The following UNC80 variants were observed in gnomAD, a reference collection of about 807,000 sequenced individuals.
UNC80 encodes protein unc-80 homolog.
Under a neutral mutation model 384.6 loss-of-function variants are expected in UNC80, and 164 were observed. The observed-to-expected ratio is 0.43, with a 90% CI of 0.38 to 0.49. UNC80 has a LOEUF of 0.49. Among genes scored for constraint, UNC80 ranks in the 20% least tolerant of loss-of-function variants. UNC80 has a pLI of 0.00. For missense variants in UNC80, 3,330 were observed against 4,143.0 expected (o/e 0.80, Z 5.39); for synonymous variants, 1,486 against 1,527.8 (o/e 0.97, Z 0.64).
intron 3 of UNC80, 59 bp from the exon 4 acceptor site, chr2:209,777,199 C>T: frequency 6.7e-7 from 1 of 1,491,660 alleles, no homozygotes; most frequent in Non-Finnish European, 9.0e-7. Context: ...CCATTGTTGA[C>T]ATCTATTGCC....
At chr2:209,858,976 A>C (rs1559212717) in intron 22 of UNC80, among the ~76,000 whole-genome samples, 1 of 152,160 alleles carries the variant, frequency 6.6e-6, no homozygotes, top group East Asian at 1.9e-4. Flanking sequence ...ATTTTCCTTT[A>C]CTGGTTTGTA....
chr2:209,872,739 C>T lies in UNC80; in HGVS notation c.3628-19C>T. 6.5e-7 allele frequency: 1 copy of T among 1,548,270 alleles called. No individual in the cohort carries two copies. Among genetic ancestry groups the T allele is most frequent in the Non-Finnish European group, 8.7e-7 (1 of 1,144,024 alleles). On this transcript the variant is annotated intron_variant, in intron 22 of 64. Coordinates refer to ENST00000673920, the MANE Select transcript of UNC80 (RefSeq NM_001371986.1). This position sits in a 1 kb window ranked among gnomAD's most constrained non-coding sequence, Gnocchi z 4.1. ...GTTCATTAATCCCACATTATTCTTTCCTAAACAACCCTACACAGGAAGCCC... is the reference window on the plus strand; with the variant it reads ...GTTCATTAATCCCACATTATTCTTTTCTAAACAACCCTACACAGGAAGCCC...
chr2:209,831,445 A>C lies in UNC80; in HGVS notation c.2629A>C (p.Lys877Gln), dbSNP rs1191119401. The C allele has an allele frequency of 1.3e-6, 2 of 1,547,568 alleles. No individual in the cohort carries two copies. Among genetic ancestry groups the C allele is most frequent in the South Asian group, 2.4e-5 (2 of 83,296 alleles). The change falls in exon 16 of 65, where the codon AAG becomes CAG. Residue 877 changes from lysine (K) to glutamine (Q), a missense_variant and splice_region_variant. Around this residue, in one of 8 missense-constraint regions of UNC80, gnomAD observed 937 missense variants for 1,026.8 expected, o/e 0.91. Transcript: ENST00000673920. ...GFCMEPVTDNKAGFGNNFTTV... is the reference protein window; with the variant it reads ...GFCMEPVTDNQAGFGNNFTTV... ...TAATTTGTGCCTTTGCATTCCAGAC[A>C]AGGCTGGGTTTGGAAATAACTTCAC...
Position 209,880,946 on chromosome 2 carries a change from A to G in UNC80, c.3977-15A>G. ...TTGATTTGTCTCCTTATGAAAGAAC[A>G]CTTTCATTTCCTAGGTACTGTGAAC... is the stretch of plus-strand genomic sequence containing the variant. On this transcript the variant is annotated splice_polypyrimidine_tract_variant and intron_variant, in intron 24 of 64. Coordinates refer to ENST00000673920, the MANE Select transcript of UNC80 (RefSeq NM_001371986.1). 2 of 1,551,058 alleles carry G rather than the reference A, an allele frequency of 1.3e-6. No homozygotes were observed. Among genetic ancestry groups the G allele is most frequent in the Non-Finnish European group, 1.7e-6 (2 of 1,146,566 alleles).
chr2:209,803,909 AT>A (rs373051792), intron 7 of UNC80, among the ~76,000 whole-genome samples: 2 of 151,744 alleles, frequency 1.3e-5, no homozygotes, highest in South Asian at 2.1e-4. Flanking sequence ...TTTTAAAAAC[AT>A]TTTTTTTGTA....
At position 209,829,320 on chromosome 2, in the gene UNC80, A is replaced by G; in HGVS notation, c.2567A>G (p.Asn856Ser). The G allele has an allele frequency of 2.6e-6, 4 of 1,551,438 alleles. No homozygotes were observed. The highest frequency in any genetic ancestry group is 2.6e-6 in the Non-Finnish European group (3 of 1,146,796). The change falls in exon 15 of 65, where the codon AAT (asparagine) becomes AGT (serine). Residue 856 changes from asparagine (N) to serine (S), a missense_variant. By Grantham distance (46) the Asn-to-Ser change is conservative. Transcript: ENST00000673920. ...GACTATGTGAACAAGGACTCTCTCA[A>G]TAATGTAGTGGACTTCTTGCATGCT... ...MRDYVNKDSL[N>S]NVVDFLHALL...
At chr2:209,792,590 G>A (rs751506707) in intron 6 of UNC80, among the ~76,000 whole-genome samples, 13 of 152,068 alleles carry the variant, frequency 8.5e-5, no homozygotes, top group East Asian at 1.9e-4. Context: ...CTCGTGATCC[G>A]CCCACCTCTG....
At chr2:209,988,688 T>C (rs1409130090) in intron 61 of UNC80, among the ~76,000 whole-genome samples, 2 of 152,204 alleles carry the variant, frequency 1.3e-5, no homozygotes, top group Non-Finnish European at 2.9e-5. Flanking sequence ...TATGTCAGAA[T>C]TGTTTTCCTA....
At chr2:209,850,230 A>G (rs940094751) in intron 22 of UNC80, among the ~76,000 whole-genome samples, 2 of 152,146 alleles carry the variant, frequency 1.3e-5, no homozygotes, top group African/African-American at 4.8e-5. Context: ...AAGTGTTTTT[A>G]TCAGGTAAAT....
intron 60 of UNC80, among the ~76,000 whole-genome samples, chr2:209,984,398 G>A (rs998625097): frequency 6.6e-6 from 1 of 152,122 alleles, no homozygotes; most frequent in African/African-American, 2.4e-5. Flanking sequence ...GCAGTTCATG[G>A]TAAGTGGTTT....
At chr2:209,902,179 T>A (rs1453680732) in intron 28 of UNC80, among the ~76,000 whole-genome samples, 2 of 152,152 alleles carry the variant, frequency 1.3e-5, no homozygotes, top group African/African-American at 4.8e-5. Context: ...AGGAAGTAAC[T>A]GCAGATAAGG....
intron 13 of UNC80, among the ~76,000 whole-genome samples, chr2:209,822,873 A>G (rs2080241027): frequency 6.6e-6 from 1 of 152,168 alleles, no homozygotes; most frequent in Non-Finnish European, 1.5e-5. Context: ...TTTTAAAGTC[A>G]GATTATGTGG....
At chr2:209,991,562 T>C (rs1359206337) in intron 61 of UNC80, among the ~76,000 whole-genome samples, 1 of 152,168 alleles carries the variant, frequency 6.6e-6, no homozygotes, top group Admixed American at 6.5e-5. Context: ...AATGATAGCT[T>C]AACTATAGCT....
chr2:209,961,871 T>G (rs1277637923), intron 51 of UNC80, among the ~76,000 whole-genome samples: 1 of 152,184 alleles, frequency 6.6e-6, no homozygotes, highest in Non-Finnish European at 1.5e-5. Flanking sequence ...TGATCATAGT[T>G]TTACCTGACA....
chr2:209,877,636 C>T (rs2084898758), intron 23 of UNC80, among the ~76,000 whole-genome samples: 1 of 152,174 alleles, frequency 6.6e-6, no homozygotes, highest in African/African-American at 2.4e-5. Flanking sequence ...CAATTGTGTA[C>T]TCCCTTGTAT....
At chr2:209,982,138 G>A in intron 59 of UNC80, 41 bp from the exon 60 acceptor site, 1 of 1,538,228 alleles carries the variant, frequency 6.5e-7, no homozygotes, top group South Asian at 1.2e-5. Flanking sequence ...TCTGATCAGT[G>A]TCATAGTTTT....
chr2:209,969,706 C>T, intron 52 of UNC80, 62 bp from the exon 53 acceptor site: 4 of 1,540,138 alleles, frequency 2.6e-6, no homozygotes, highest in Non-Finnish European at 3.5e-6. Context: ...CTGTCTCATT[C>T]ACTTGTTTCA....
chr2:209,941,229 G>T lies in UNC80; in HGVS notation c.6655G>T (p.Glu2219Ter). 6.6e-7 allele frequency: 1 copy of T among 1,509,498 alleles called. No homozygotes were observed. Among genetic ancestry groups the T allele is most frequent in the East Asian group, 2.5e-5 (1 of 40,168 alleles). 93.5% of individuals were successfully genotyped at this position (1,509,498 alleles called of 1,614,324 possible). A position where few individuals can be genotyped will look rare whatever the true frequency, so the allele number is the denominator to read the frequency against. ...SLFSDPQAGK[E>*]LFGLDTLQKS... ...GTTTCATGTTCTCACAGCTGGAAAGGAACTGTTTGGCCTCGACACTCTTCA... is the reference window on the plus strand; with the variant it reads ...GTTTCATGTTCTCACAGCTGGAAAGTAACTGTTTGGCCTCGACACTCTTCA... The change falls in exon 44 of 65, where the codon GAA (glutamate) becomes TAA (stop). Residue 2219 changes from glutamate to a stop codon, truncating the protein, a stop_gained. Transcript: ENST00000673920. LOFTEE classifies it high-confidence loss of function.
At chr2:209,988,564 C>T (rs1168185232) in intron 61 of UNC80, among the ~76,000 whole-genome samples, 1 of 151,870 alleles carries the variant, frequency 6.6e-6, no homozygotes, top group African/African-American at 2.4e-5. Context: ...AAAATATATC[C>T]TTTATGCACT....
Sources: allele counts gnomAD v4.1 joint callset (sites outside exome capture counted in the v4.1 genomes callset), GRCh38; gene constraint gnomAD v4.1.1; regional missense constraint gnomAD v4.1.1; non-coding constraint Gnocchi (gnomAD v3.1); transcripts MANE v1.5; gene names NCBI Gene and HGNC (gene_info 2026-07-23, HGNC 2026-07-21).